Variants in TAOK3 observed in about 807,000 individuals in gnomAD.
TAOK3 encodes TAO kinase 3, also known as serine/threonine-protein kinase TAO3.
A neutral mutation model predicts 120.4 loss-of-function variants in TAOK3; 40 were observed. That is an observed-to-expected ratio of 0.33 (90% CI 0.26 to 0.43). The LOEUF is 0.43. Ranked by LOEUF, TAOK3 falls within the 20% of genes least tolerant of loss-of-function variation. The pLI, the probability that TAOK3 is intolerant of heterozygous loss-of-function variation, is 1.00. For synonymous variants in TAOK3, 355 were observed against 387.5 expected (o/e 0.92, Z 0.99); for missense variants, 821 against 1,112.1 (o/e 0.74, Z 3.72).
chr12:118,180,588 G>A (rs901008713), intron 15 of TAOK3, among the ~76,000 whole-genome samples: 74 of 152,164 alleles, frequency 4.9e-4, no homozygotes, highest in African/African-American at 1.7e-3. Flanking sequence ...GACGAGAGAT[G>A]TTCCCTAGAA....
intron 5 of TAOK3, among the ~76,000 whole-genome samples, chr12:118,241,338 T>C (rs2040242342): frequency 6.6e-6 from 1 of 152,120 alleles, no homozygotes; most frequent in Non-Finnish European, 1.5e-5. Context: ...GCCCTACTTT[T>C]TCTTTAATCA....
intron 3 of TAOK3, among the ~76,000 whole-genome samples, chr12:118,247,949 T>C (rs552030100): frequency 6.6e-6 from 1 of 152,340 alleles, no homozygotes; most frequent in African/African-American, 2.4e-5. Context: ...TCTGTCACAT[T>C]ATTATCATTG....
chr12:118,236,803 T>G (rs1036473804), intron 7 of TAOK3: 1 of 152,148 alleles, frequency 6.6e-6, no homozygotes, highest in Non-Finnish European at 1.5e-5. Context: ...AATAAAAATC[T>G]GAGACACAGT....
intron 1 of TAOK3, among the ~76,000 whole-genome samples, chr12:118,314,466 A>G (rs913038194): frequency 6.6e-6 from 1 of 152,228 alleles, no homozygotes; most frequent in African/African-American, 2.4e-5. Context: ...ACTTGAGGAT[A>G]TCCTGAACTT....
chr12:118,340,094 C>G lies in TAOK3; in HGVS notation c.-194+32554G>C, dbSNP rs1022307503. On this transcript the variant is annotated intron_variant, in intron 1 of 20. Coordinates refer to ENST00000392533, the MANE Select transcript of TAOK3 (RefSeq NM_016281.4). Reference sequence around the variant, plus strand: ...AAAAAATTAGATACAGCTTCAGTAACTAAGATATTGATCTCTGGAGAGAAT... The same window carrying G: ...AAAAAATTAGATACAGCTTCAGTAAGTAAGATATTGATCTCTGGAGAGAAT... 2.0e-5 allele frequency among the ~76,000 whole-genome samples: 3 copies of G among 152,086 alleles called. No homozygotes were observed. In the East Asian group the frequency reaches 5.8e-4, roughly 29 times the overall value.
Position 118,212,967 on chromosome 12 carries a change from A to T in TAOK3, c.766T>A (p.Tyr256Asn). 1 of 1,612,926 alleles carries T rather than the reference A, an allele frequency of 6.2e-7. No individual in the cohort carries two copies. Among genetic ancestry groups the T allele is most frequent in the East Asian group, 2.2e-5 (1 of 44,822 alleles). ...TCCTGAGGTATTTTCTGCAAGCAGT[A>T]ATCAACAAATCTCCTAAAGGAGTCT... ...WTDSFRRFVD[Y>N]CLQKIPQERP... Residue 256 changes from tyrosine (Y) to asparagine (N), a missense_variant, in exon 11 of 21, where the codon TAC becomes AAC. Coordinates refer to ENST00000392533, the MANE Select transcript of TAOK3 (RefSeq NM_016281.4).
chr12:118,332,300 C>T (rs1052072113), intron 1 of TAOK3, among the ~76,000 whole-genome samples: 1 of 152,148 alleles, frequency 6.6e-6, no homozygotes, highest in Non-Finnish European at 1.5e-5. Context: ...ACTTTCCAGC[C>T]TTCAGTTTCC....
At chr12:118,251,971 G>A (rs373399053) in intron 3 of TAOK3, among the ~76,000 whole-genome samples, 11 of 151,906 alleles carry the variant, frequency 7.2e-5, no homozygotes, top group African/African-American at 1.7e-4. Flanking sequence ...ACAGGCGCCC[G>A]CCACCATGCC....
At chr12:118,307,368 A>C (rs997316499) in intron 1 of TAOK3, among the ~76,000 whole-genome samples, 1 of 152,050 alleles carries the variant, frequency 6.6e-6, no homozygotes, top group Non-Finnish European at 1.5e-5. Context: ...CTAACCTCTA[A>C]GGGATGATGG....
chr12:118,363,476 A>C (rs1225081506), intron 1 of TAOK3, among the ~76,000 whole-genome samples: 1 of 152,206 alleles, frequency 6.6e-6, no homozygotes, highest in Non-Finnish European at 1.5e-5. Flanking sequence ...GGATAAGATA[A>C]GTACAAATCC....
intron 1 of TAOK3, among the ~76,000 whole-genome samples, chr12:118,327,195 C>T (rs923712153): frequency 1.3e-5 from 2 of 152,102 alleles, no homozygotes; most frequent in East Asian, 3.8e-4. Flanking sequence ...ACTACTAACT[C>T]CACCCTATCA....
At chr12:118,151,441 C>A (rs572587247) in intron 20 of TAOK3, among the ~76,000 whole-genome samples, 9 of 152,266 alleles carry the variant, frequency 5.9e-5, no homozygotes, top group African/African-American at 2.2e-4. Context: ...CTGGCAATGC[C>A]GTTCTAGCAA....
At position 118,161,970 on chromosome 12, in the gene TAOK3, C is replaced by T; in HGVS notation, c.1957G>A (p.Asp653Asn). The change falls in exon 18 of 21, where the codon GAC (aspartate) becomes AAC (asparagine). Residue 653 changes from aspartate to asparagine, a missense_variant. Asp to Asn is a conservative substitution (Grantham distance 23, BLOSUM62 1). This residue lies in a region of TAOK3 where 354 missense variants were observed against 572.1 expected (regional missense o/e 0.62). Transcript: ENST00000392533. The surrounding 1 kb of genome is among the most constrained non-coding windows in gnomAD (Gnocchi z 4.5). ...TACTCTAGCTCTCGGGTGGACTCGT[C>T]GTGCCGGATTAGCATGGCATGCTCC... Reference protein sequence around the residue: ...EMEHAMLIRHDESTRELEYRQ... With the variant: ...EMEHAMLIRHNESTRELEYRQ... The T allele has an allele frequency of 3.1e-6, 5 of 1,614,102 alleles. No individual in the cohort carries two copies. The highest frequency in any genetic ancestry group is 4.2e-6 in the Non-Finnish European group (5 of 1,180,030).
At chr12:118,254,470 A>T (rs1014825504) in intron 3 of TAOK3, among the ~76,000 whole-genome samples, 1 of 150,762 alleles carries the variant, frequency 6.6e-6, no homozygotes, top group Admixed American at 6.6e-5. Flanking sequence ...TATATAAAGC[A>T]AAAAATCGTA....
intron 1 of TAOK3, among the ~76,000 whole-genome samples, chr12:118,363,998 G>GTAATCCCAGTTACGCCTA (rs1487304237): frequency 1.6e-4 from 25 of 152,072 alleles, no homozygotes; most frequent in African/African-American, 5.6e-4. Context: ...ACGCATGCCT[G>GTAATCCCAGTTACGCCTA]TAATCCCAGT....
chr12:118,266,492 G>A (rs1297486169), intron 2 of TAOK3, among the ~76,000 whole-genome samples, 163 bp downstream of exon 2: 1 of 151,798 alleles, frequency 6.6e-6, no homozygotes, highest in Non-Finnish European at 1.5e-5. Flanking sequence ...ATGAGCCACC[G>A]CACCCGGCCA....
intron 3 of TAOK3, among the ~76,000 whole-genome samples, chr12:118,248,000 T>C (rs904751287): frequency 2.0e-5 from 3 of 152,190 alleles, no homozygotes; most frequent in African/African-American, 7.2e-5. Context: ...AAGTAAAAGA[T>C]TGGAATTCAT....
chr12:118,269,650 G>A (rs532294220), intron 1 of TAOK3, among the ~76,000 whole-genome samples: 68 of 152,056 alleles, frequency 4.5e-4, no homozygotes, highest in Non-Finnish European at 8.8e-4. Context: ...GATTACAGGC[G>A]TGAGCCACTG....
chr12:118,315,445 A>C (rs16948250), intron 1 of TAOK3, among the ~76,000 whole-genome samples: 1 of 152,102 alleles, frequency 6.6e-6, no homozygotes, highest in South Asian at 2.1e-4. Context: ...CAAATGTTAA[A>C]ACCCACAAAA....
Sources: allele counts gnomAD v4.1 joint callset (sites outside exome capture counted in the v4.1 genomes callset), GRCh38; gene constraint gnomAD v4.1.1; regional missense constraint gnomAD v4.1.1; non-coding constraint Gnocchi (gnomAD v3.1); transcripts MANE v1.5; gene names NCBI Gene and HGNC (gene_info 2026-07-23, HGNC 2026-07-21).